The following FHIT variants were observed in gnomAD, a reference collection of about 807,000 sequenced individuals.
FHIT encodes bis(5'-adenosyl)-triphosphatase.
In FHIT, 19 loss-of-function variants were observed where a neutral mutation model predicts 17.9. That is an observed-to-expected ratio of 1.06 (90% CI 0.74 to 1.56). The LOEUF (loss-of-function observed/expected upper bound fraction) is 1.56, where lower values mean the gene tolerates loss of function less well. Among genes scored for constraint, FHIT ranks in the 40% most tolerant of loss-of-function variants. The pLI is 0.00. For missense variants in FHIT, 248 were observed against 189.2 expected (o/e 1.31, Z -1.82); for synonymous variants, 81 against 69.7 (o/e 1.16, Z -0.81).
intron 3 of FHIT, among the ~76,000 whole-genome samples, chr3:60,959,800 TC>T (rs1209800453): frequency 3.5e-4 from 52 of 150,068 alleles, no homozygotes; most frequent in Middle Eastern, 6.8e-3. Flanking sequence ...AGAGGCTTTT[TC>T]TTTTTTTTTT....
At chr3:60,780,871 G>A (rs1553725584) in intron 4 of FHIT, among the ~76,000 whole-genome samples, 1 of 152,144 alleles carries the variant, frequency 6.6e-6, no homozygotes, top group Admixed American at 6.5e-5. Context: ...TCCTTTTCCT[G>A]TGTGGAACCT....
At chr3:60,441,693 TGTAG>T (rs557733517) in intron 5 of FHIT, among the ~76,000 whole-genome samples, 2,104 of 61,474 alleles carry the variant, frequency 0.034, 75 homozygotes, top group African/African-American at 0.11. Context: ...TTGATGCATC[TGTAG>T]GTATTTATAT....
intron 5 of FHIT, chr3:60,535,928 C>T (rs1206654809): frequency 1.3e-5 from 2 of 151,862 alleles, no homozygotes; most frequent in East Asian, 3.9e-4. Flanking sequence ...TGAAAAACCT[C>T]TTGGCATATT....
intron 2 of FHIT, among the ~76,000 whole-genome samples, chr3:61,196,225 A>G (rs1467782575): frequency 6.6e-6 from 1 of 152,200 alleles, no homozygotes; most frequent in Non-Finnish European, 1.5e-5. Flanking sequence ...CAATCCAGAG[A>G]GAGGTAGAAA....
At chr3:60,913,469 A>C (rs1411465115) in intron 3 of FHIT, among the ~76,000 whole-genome samples, 2 of 152,204 alleles carry the variant, frequency 1.3e-5, no homozygotes, top group African/African-American at 4.8e-5. Flanking sequence ...TGTATTCCAG[A>C]ATTATAATAA....
chr3:60,745,854 T>A (rs1169561397), intron 4 of FHIT, among the ~76,000 whole-genome samples: 1 of 152,304 alleles, frequency 6.6e-6, no homozygotes, highest in Non-Finnish European at 1.5e-5. Flanking sequence ...AACGCATCTG[T>A]ACTCCCTCAT....
In FHIT at chr3:60,067,352, GAAT is replaced by G. The variant is rs201277486; in HGVS notation, c.104-53203_104-53201del. Among the ~76,000 whole-genome samples, 19 of 139,902 alleles carry G rather than the reference GAAT, an allele frequency of 1.4e-4. No homozygotes were observed. The East Asian group carries it at 3.7e-3, about 27-fold the overall frequency. The allele number at this position is 139,902 out of a possible 152,430, so 91.8% of individuals were successfully genotyped here. ...TGAATGAATGAATGAATGAATGAAT[GAAT>G]AAGCACACATACACAGCAGAAAAAC... is the stretch of plus-strand genomic sequence containing the variant. On this transcript the variant is annotated intron_variant, in intron 5 of 9. Coordinates refer to ENST00000492590, the MANE Select transcript of FHIT (RefSeq NM_002012.4).
chr3:60,270,463 T>C (rs997645850), intron 5 of FHIT, among the ~76,000 whole-genome samples: 1 of 152,226 alleles, frequency 6.6e-6, no homozygotes, highest in Non-Finnish European at 1.5e-5. Context: ...ACCTGCAATA[T>C]GGGAAGAGGA....
chr3:61,192,117 C>T (rs901879211), intron 2 of FHIT, among the ~76,000 whole-genome samples: 3 of 152,148 alleles, frequency 2.0e-5, no homozygotes, highest in African/African-American at 7.2e-5. Context: ...ACTATGAAGG[C>T]AGCCAGTCTA....
chr3:60,363,206 C>A (rs1009490096), intron 5 of FHIT, among the ~76,000 whole-genome samples: 3 of 152,142 alleles, frequency 2.0e-5, no homozygotes, highest in Admixed American at 2.0e-4. Flanking sequence ...GGCAACCCCA[C>A]ATCAGTCCTT....
rs1318430862 is a variant in FHIT at position 60,716,871 on chromosome 3, T to C, written c.-18+105048A>G. Among the ~76,000 whole-genome samples the C allele has an allele frequency of 2.6e-5, 4 of 152,286 alleles. No individual in the cohort carries two copies. In the East Asian group the frequency reaches 7.7e-4, roughly 29 times the overall value. On this transcript the variant is annotated intron_variant, in intron 4 of 9. Transcript: ENST00000492590. ...TAGGAACTTTTTAGCTCCATTATAA[T>C]CTTAAGGGACCACCCTCATATCTGC...
chr3:60,520,308 A>C (rs551610851), intron 5 of FHIT, among the ~76,000 whole-genome samples: 1 of 152,138 alleles, frequency 6.6e-6, no homozygotes, highest in Non-Finnish European at 1.5e-5. Context: ...AAATCCACAG[A>C]AGTGGACCCA....
intron 3 of FHIT, among the ~76,000 whole-genome samples, chr3:60,834,949 A>G (rs901799143): frequency 1.3e-5 from 2 of 151,822 alleles, no homozygotes; most frequent in African/African-American, 4.8e-5. Flanking sequence ...AGTCCAATAT[A>G]TCACCAATAT....
chr3:59,802,640 T>A (rs1248420794), intron 8 of FHIT, among the ~76,000 whole-genome samples: 1 of 151,932 alleles, frequency 6.6e-6, no homozygotes, highest in African/African-American at 2.4e-5. Context: ...TCCTTGACTC[T>A]CTTTTTGGAC....
chr3:60,334,623 C>A (rs149363145), intron 5 of FHIT, among the ~76,000 whole-genome samples: 3 of 152,090 alleles, frequency 2.0e-5, no homozygotes, highest in African/African-American at 7.2e-5. Context: ...CCATCTCTAA[C>A]AAAAATACAA....
At chr3:60,422,465 T>C (rs1437584827) in intron 5 of FHIT, among the ~76,000 whole-genome samples, 1 of 152,162 alleles carries the variant, frequency 6.6e-6, no homozygotes, top group African/African-American at 2.4e-5. Context: ...TCATACCTTA[T>C]CACATTTTAC....
chr3:60,037,354 A>G (rs573845683), intron 5 of FHIT, among the ~76,000 whole-genome samples: 2 of 151,870 alleles, frequency 1.3e-5, no homozygotes, highest in African/African-American at 4.8e-5. Flanking sequence ...CTAGATGGCC[A>G]TTTAACCCAC....
intron 5 of FHIT, among the ~76,000 whole-genome samples, chr3:60,316,111 T>C (rs1359853022): frequency 6.6e-6 from 1 of 152,310 alleles, no homozygotes; most frequent in East Asian, 1.9e-4. Flanking sequence ...AAAATAGCAT[T>C]GTAATAAATA....
At chr3:59,961,890 AT>A (rs887623221) in intron 7 of FHIT, among the ~76,000 whole-genome samples, 1 of 122,672 alleles carries the variant, frequency 8.2e-6, no homozygotes, top group Non-Finnish European at 1.7e-5. Context: ...CCATTTTTCA[AT>A]TTTTTTTATG....
Sources: allele counts gnomAD v4.1 joint callset (sites outside exome capture counted in the v4.1 genomes callset), GRCh38; gene constraint gnomAD v4.1.1; transcripts MANE v1.5; gene names NCBI Gene and HGNC (gene_info 2026-07-23, HGNC 2026-07-21).